EDARADD: variants seen among roughly 807,000 people sequenced by gnomAD.
The protein encoded by EDARADD is EDAR associated via death domain, also known as ectodysplasin-A receptor-associated adapter protein.
A neutral mutation model predicts 25.6 loss-of-function variants in EDARADD; 20 were observed. The ratio of observed to expected loss-of-function variants is 0.78; its 90% CI spans 0.55 to 1.14. EDARADD has a LOEUF of 1.14. EDARADD is among the 50% of genes most tolerant of loss of function. The probability of loss-of-function intolerance (pLI) is 0.00; values close to 1 mark genes in which losing one functional copy is unlikely to be tolerated. For synonymous variants in EDARADD, 86 were observed against 94.4 expected, an observed-to-expected ratio of 0.91 and a Z score of 0.52; for missense variants, 225 against 270.1, an observed-to-expected ratio of 0.83 and a Z score of 1.17.
intron 3 of EDARADD, among the ~76,000 whole-genome samples, chr1:236,374,045 A>G (rs1395578242): frequency 6.6e-6 from 1 of 151,948 alleles, no homozygotes; most frequent in East Asian, 1.9e-4. Context: ...TGTAATTTCT[A>G]TTCTTTTAAA....
chr1:236,384,993 C>A (rs1345179935), intron 3 of EDARADD, among the ~76,000 whole-genome samples: 1 of 151,158 alleles, frequency 6.6e-6, no homozygotes, highest in African/African-American at 2.4e-5. Flanking sequence ...TTATCCAAGT[C>A]TATTCCCTGC....
At chr1:236,474,251 G>T (rs1183167149) in intron 5 of EDARADD, among the ~76,000 whole-genome samples, 2 of 152,168 alleles carry the variant, frequency 1.3e-5, no homozygotes, top group African/African-American at 4.8e-5. Context: ...TGTGTTCATT[G>T]TCACTTCATC....
intron 4 of EDARADD, among the ~76,000 whole-genome samples, chr1:236,441,508 T>C (rs1049111067): frequency 4.1e-5 from 6 of 146,738 alleles, no homozygotes; most frequent in Non-Finnish European, 6.0e-5. Flanking sequence ...TAATATGTAA[T>C]ATAATATTTA....
intron 4 of EDARADD, among the ~76,000 whole-genome samples, chr1:236,459,845 C>G (rs1283528957): frequency 1.3e-5 from 2 of 151,980 alleles, no homozygotes; most frequent in African/African-American, 4.8e-5. Flanking sequence ...AACTCCTGGC[C>G]TTAGGTGATC....
At chr1:236,413,609 G>A (rs1387749987) in intron 2 of EDARADD, among the ~76,000 whole-genome samples, 1 of 152,134 alleles carries the variant, frequency 6.6e-6, no homozygotes, top group East Asian at 1.9e-4. Flanking sequence ...TGTTTAGTCT[G>A]AAATAAGTTT....
intron 5 of EDARADD, among the ~76,000 whole-genome samples, chr1:236,480,305 C>T (rs1351273904): frequency 1.3e-5 from 2 of 151,734 alleles, no homozygotes; most frequent in East Asian, 3.9e-4. Flanking sequence ...TCATTTATTT[C>T]ACTAGTCCTC....
At chr1:236,419,555 T>G (rs534748447) in intron 3 of EDARADD, among the ~76,000 whole-genome samples, 2 of 152,192 alleles carry the variant, frequency 1.3e-5, no homozygotes, top group Non-Finnish European at 2.9e-5. Flanking sequence ...GACACTTCAG[T>G]GTGCATCAGA....
In EDARADD at chr1:236,420,822, C is replaced by T. The variant is rs575591868; in HGVS notation, c.160+6523C>T. On this transcript the variant is annotated intron_variant, in intron 3 of 5. Coordinates refer to ENST00000334232, the MANE Select transcript of EDARADD (RefSeq NM_145861.4). ...AGTGGCACGGTCTCGGCTCACTGCA[C>T]TCCTGAGTTCAAGCAATTCTCCTGC... is the stretch of plus-strand genomic sequence containing the variant. Among the ~76,000 whole-genome samples, 115 of 119,908 alleles carry T rather than the reference C, an allele frequency of 9.6e-4. 1 individual carries two copies. The highest frequency in any genetic ancestry group is 3.0e-3 in the Admixed American group (31 of 10,400). 78.7% of individuals were successfully genotyped at this position (119,908 alleles called of 152,430 possible). A position where few individuals can be genotyped will look rare whatever the true frequency, so the allele number is the denominator to read the frequency against.
intron 3 of EDARADD, among the ~76,000 whole-genome samples, chr1:236,426,491 G>A (rs650367): frequency 2.6e-5 from 4 of 152,030 alleles, no homozygotes; most frequent in Admixed American, 6.5e-5. Context: ...AAAACCATGG[G>A]CTGTGTGAGA....
chr1:236,446,207 C>T (rs771311229), intron 4 of EDARADD, among the ~76,000 whole-genome samples: 22 of 152,186 alleles, frequency 1.4e-4, no homozygotes, highest in Non-Finnish European at 2.9e-4. Context: ...GTTACCCAGA[C>T]CTCCTGTACA....
chr1:236,394,992 A>G (rs1667486876), intron 1 of EDARADD, among the ~76,000 whole-genome samples: 1 of 152,216 alleles, frequency 6.6e-6, no homozygotes, highest in African/African-American at 2.4e-5. Flanking sequence ...ATGCCAAAGA[A>G]AAATCAAAAT....
At chr1:236,465,202 T>TC (rs1467403042) in intron 4 of EDARADD, among the ~76,000 whole-genome samples, 1 of 152,128 alleles carries the variant, frequency 6.6e-6, no homozygotes, top group Non-Finnish European at 1.5e-5. Flanking sequence ...CATGTCCTGT[T>TC]CCCCCATGCG....
intron 4 of EDARADD, among the ~76,000 whole-genome samples, chr1:236,447,780 T>C (rs1422411309): frequency 6.6e-6 from 1 of 152,214 alleles, no homozygotes; most frequent in East Asian, 1.9e-4. Context: ...TATGATCTGC[T>C]TAAACCAATG....
rs555368398 is a variant in EDARADD, at chr1:236,443,760, A to G, written c.219+16310A>G. 8.5e-4 allele frequency among the ~76,000 whole-genome samples: 129 copies of G among 152,334 alleles called. 2 individuals are homozygous for G. The highest frequency in any genetic ancestry group is 6.8e-3 in the Middle Eastern group (2 of 294). ...GTTTAGAGTAGTACATAAATTTAGA[A>G]TAGTACATAAACTTAGAATAGTACA... On this transcript the variant is annotated intron_variant, in intron 4 of 5. Coordinates refer to ENST00000334232, the MANE Select transcript of EDARADD (RefSeq NM_145861.4).
intron 1 of EDARADD, among the ~76,000 whole-genome samples, chr1:236,408,289 A>G (rs1441345385): frequency 6.6e-6 from 1 of 151,688 alleles, no homozygotes; most frequent in Non-Finnish European, 1.5e-5. Context: ...TGCAACCTCC[A>G]CCTCCCAGGT....
intron 3 of EDARADD, among the ~76,000 whole-genome samples, chr1:236,385,089 C>CTTTTTTTTTTTTTTTTTTTTTTTTTTT (rs34509027): frequency 5.7e-5 from 7 of 121,986 alleles, no homozygotes; most frequent in African/African-American, 1.3e-4. Context: ...CCTTTTGATT[C>CTTTTTTTTTTTTTTTTTTTTTTTTTTT]TTTTTTTTTT....
rs61736989 is a variant in EDARADD at position 236,484,242 on chromosome 1, G to T, written c.*1593G>T. ...TGAGTCCCTTCAGGCGTGCAAGCTGGCCCAGGCCAATGGTTGGTGTGTCAT... is the reference window on the plus strand; with the variant it reads ...TGAGTCCCTTCAGGCGTGCAAGCTGTCCCAGGCCAATGGTTGGTGTGTCAT... On this transcript the variant is annotated 3_prime_UTR_variant, in exon 6 of 6. Coordinates refer to ENST00000334232, the MANE Select transcript of EDARADD (RefSeq NM_145861.4). The surrounding 1 kb of genome is among the most constrained non-coding windows in gnomAD (Gnocchi z 4.1). The T allele has an allele frequency of 0.041, 39,631 of 973,486 alleles. 1,060 individuals carry two copies. Among genetic ancestry groups the T allele is most frequent in the Admixed American group, 0.074 (4,379 of 58,924 alleles). The allele number at this position is 973,486 out of a possible 1,614,324, so 60.3% of individuals were successfully genotyped here.
At chr1:236,460,461 C>T (rs975095782) in intron 4 of EDARADD, among the ~76,000 whole-genome samples, 5 of 152,144 alleles carry the variant, frequency 3.3e-5, no homozygotes, top group Non-Finnish European at 7.3e-5. Flanking sequence ...GTTGAGATTA[C>T]AGGAATGAGC....
At chr1:236,377,423 T>C (rs1263780287) in intron 3 of EDARADD, among the ~76,000 whole-genome samples, 1 of 150,842 alleles carries the variant, frequency 6.6e-6, no homozygotes, top group Non-Finnish European at 1.5e-5. Flanking sequence ...CCCAAAGTGC[T>C]GGGATTACAG....
Sources: allele counts gnomAD v4.1 joint callset (sites outside exome capture counted in the v4.1 genomes callset), GRCh38; gene constraint gnomAD v4.1.1; non-coding constraint Gnocchi (gnomAD v3.1); transcripts MANE v1.5; gene names NCBI Gene and HGNC (gene_info 2026-07-23, HGNC 2026-07-21).